PLEKHA8: variants seen among roughly 807,000 people sequenced by gnomAD.
PLEKHA8 encodes the protein pleckstrin homology domain containing A8, also known as pleckstrin homology domain-containing family A member 8.
In PLEKHA8, 36 loss-of-function variants were observed where a neutral mutation model predicts 68.2. The observed-to-expected ratio is 0.53, with a 90% confidence interval of 0.40 to 0.70. The LOEUF is 0.70. Ranked by LOEUF, PLEKHA8 falls within the 30% of genes least tolerant of loss-of-function variation. The probability of loss-of-function intolerance (pLI) is 0.00; values close to 1 mark genes in which losing one functional copy is unlikely to be tolerated. For missense variants in PLEKHA8, 505 were observed against 615.4 expected, an observed-to-expected ratio of 0.82 and a Z score of 1.90; for synonymous variants, 211 against 216.1, an observed-to-expected ratio of 0.98 and a Z score of 0.20.
chr7:30,028,770 G>A lies in PLEKHA8; in HGVS notation c.8G>A (p.Gly3Glu). The change falls in exon 1 of 14, where the codon GGG becomes GAG. Residue 3 changes from glycine to glutamate, a missense_variant. Gly to Glu is a moderately conservative substitution (Grantham distance 98). Coordinates refer to ENST00000449726, the MANE Select transcript of PLEKHA8 (RefSeq NM_001197026.2). ME[G>E]VLYKWTNYLS... ...CGAGTGGCCGCGGGCGCCATGGAGG[G>A]GGTGCTGTACAAGTGGACCAACTAT... 1 of 1,271,136 alleles carries A rather than the reference G, an allele frequency of 7.9e-7. No individual in the cohort carries two copies. The highest frequency in any genetic ancestry group is 1.0e-6 in the Non-Finnish European group (1 of 1,002,470). The allele number at this position is 1,271,136 out of a possible 1,614,324, so 78.7% of individuals were successfully genotyped here.
intron 13 of PLEKHA8, among the ~76,000 whole-genome samples, chr7:30,103,897 A>G (rs1238925961): frequency 6.6e-6 from 1 of 152,222 alleles, no homozygotes; most frequent in Non-Finnish European, 1.5e-5. Flanking sequence ...ACTTCATCAA[A>G]ACTAAAAACT....
At chr7:30,115,871 T>C (rs1024441440) in intron 13 of PLEKHA8, 2 of 144,656 alleles carry the variant, frequency 1.4e-5, no homozygotes, top group Admixed American at 7.1e-5. Flanking sequence ...TGCACATACA[T>C]GTAGGCACGC....
intron 13 of PLEKHA8, among the ~76,000 whole-genome samples, chr7:30,128,461 C>T (rs770315215): frequency 6.6e-6 from 1 of 152,184 alleles, no homozygotes. Flanking sequence ...TTAAGTCACA[C>T]ATTGATTCCT....
In PLEKHA8 at chr7:30,028,779, A is replaced by G. The variant is rs1482448209; in HGVS notation, c.17A>G (p.Tyr6Cys). The G allele has an allele frequency of 2.8e-5, 35 of 1,271,726 alleles. No homozygotes were observed. The highest frequency in any genetic ancestry group is 3.4e-5 in the Non-Finnish European group (34 of 1,002,976). 78.8% of individuals were successfully genotyped at this position (1,271,726 alleles called of 1,614,324 possible). A position where few individuals can be genotyped will look rare whatever the true frequency, so the allele number is the denominator to read the frequency against. ...GCGGGCGCCATGGAGGGGGTGCTGT[A>G]CAAGTGGACCAACTATCTGAGCGGT... MEGVL[Y>C]KWTNYLSGWQ... Residue 6 changes from tyrosine (Y) to cysteine (C), a missense_variant, in exon 1 of 14, where the codon TAC (tyrosine) becomes TGC (cysteine). Transcript: ENST00000449726.
At chr7:30,078,539 G>A in intron 13 of PLEKHA8, 51 bp from the exon 14 acceptor site, 1 of 1,585,722 alleles carries the variant, frequency 6.3e-7, no homozygotes, top group Non-Finnish European at 8.7e-7. Flanking sequence ...ATAAAAATAA[G>A]AGTGTGAGAG....
At chr7:30,117,840 A>C (rs1266265457) in intron 13 of PLEKHA8, 3 of 529,140 alleles carry the variant, frequency 5.7e-6, no homozygotes, top group Non-Finnish European at 9.4e-6. Flanking sequence ...TTATGTTGCC[A>C]ACAAGATATT....
Position 30,081,458 on chromosome 7 carries a change from A to T in PLEKHA8, c.*2671A>T. The T allele has an allele frequency of 2.0e-6, 2 of 984,894 alleles. No individual in the cohort carries two copies. The allele number at this position is 984,894 out of a possible 1,614,324, so 61.0% of individuals were successfully genotyped here. A position where few individuals can be genotyped will look rare whatever the true frequency, so the allele number is the denominator to read the frequency against. ...CAGAGCTTCCTCCTACATCTAAAGT[A>T]TTTGCTCTCTGTTTTAGTTAAAGTC... On this transcript the variant is annotated 3_prime_UTR_variant, in exon 14 of 14. Coordinates refer to ENST00000449726, the MANE Select transcript of PLEKHA8 (RefSeq NM_001197026.2).
chr7:30,105,465 CAG>C (rs1265718398), intron 13 of PLEKHA8, among the ~76,000 whole-genome samples: 1 of 151,958 alleles, frequency 6.6e-6, no homozygotes, highest in African/African-American at 2.4e-5. Context: ...TTCTGGGAGA[CAG>C]AGCGAAATCT....
At position 30,081,013 on chromosome 7, in the gene PLEKHA8, C is replaced by T; in HGVS notation, c.*2226C>T. On this transcript the variant is annotated 3_prime_UTR_variant, in exon 14 of 14. Coordinates refer to ENST00000449726, the MANE Select transcript of PLEKHA8 (RefSeq NM_001197026.2). Reference sequence around the variant, plus strand: ...ACTCTGTGGTCTCTTGGAGAGGTAGCACTCTGAAAATACCTCAGGTTTGCC... The same window carrying T: ...ACTCTGTGGTCTCTTGGAGAGGTAGTACTCTGAAAATACCTCAGGTTTGCC... The T allele has an allele frequency of 1.0e-6, 1 of 985,342 alleles. No homozygotes were observed. The highest frequency in any genetic ancestry group is 1.2e-6 in the Non-Finnish European group (1 of 829,906). 61.0% of individuals were successfully genotyped at this position (985,342 alleles called of 1,614,324 possible).
At chr7:30,040,741 T>A (rs950637323) in intron 1 of PLEKHA8, among the ~76,000 whole-genome samples, 1 of 152,206 alleles carries the variant, frequency 6.6e-6, no homozygotes, top group Non-Finnish European at 1.5e-5. Context: ...GGTATTTAAA[T>A]ACTCTTTTTT....
intron 1 of PLEKHA8, among the ~76,000 whole-genome samples, chr7:30,035,025 G>C (rs150218536): frequency 6.6e-6 from 1 of 151,764 alleles, no homozygotes; most frequent in Admixed American, 6.6e-5. Context: ...TTTTGTGTAC[G>C]ATATGAGGTA....
intron 13 of PLEKHA8, among the ~76,000 whole-genome samples, chr7:30,118,978 C>A (rs750195650): frequency 5.3e-5 from 8 of 152,212 alleles, no homozygotes; most frequent in Admixed American, 1.3e-4. Flanking sequence ...ATCTGATTGG[C>A]CCACTTAAGT....
At chr7:30,099,663 T>C (rs1343650521) in intron 13 of PLEKHA8, among the ~76,000 whole-genome samples, 1 of 152,228 alleles carries the variant, frequency 6.6e-6, no homozygotes, top group Non-Finnish European at 1.5e-5. Flanking sequence ...ACATGTGGAA[T>C]ATACACCAAG....
rs894160722 is a variant in PLEKHA8, at chr7:30,028,918, G to C, written c.40+116G>C. ...GGGTCACGGCCCTTTCCTGAGGCCA[G>C]CGCGGAGCGGGAGTATTTCCCAAAG... On this transcript the variant is annotated intron_variant, in intron 1 of 13. Transcript: ENST00000449726. 495 of 1,114,272 alleles carry C rather than the reference G, an allele frequency of 4.4e-4. 1 individual carries two copies. The highest frequency in any genetic ancestry group is 4.7e-4 in the Non-Finnish European group (411 of 878,138). 69.0% of individuals were successfully genotyped at this position (1,114,272 alleles called of 1,614,324 possible). A position where few individuals can be genotyped will look rare whatever the true frequency, so the allele number is the denominator to read the frequency against.
Position 30,126,710 on chromosome 7 carries a change from T to C in PLEKHA8, c.1363-2556T>C, listed in dbSNP as rs184394011. On this transcript the variant is annotated intron_variant, in intron 13 of 13. Coordinates refer to the PLEKHA8 transcript ENST00000396257. ...CCACATGGCTGGGGAGGCCTCACAA[T>C]CATGGTGGAAGGTGAAAGGCACGTC... 2.8e-4 allele frequency among the ~76,000 whole-genome samples: 43 copies of C among 152,284 alleles called. No homozygotes were observed. In the East Asian group the frequency reaches 7.7e-3, roughly 27 times the overall value.
At chr7:30,038,900 G>T (rs1283554491) in intron 1 of PLEKHA8, among the ~76,000 whole-genome samples, 1 of 150,704 alleles carries the variant, frequency 6.6e-6, no homozygotes, top group Non-Finnish European at 1.5e-5. Flanking sequence ...GGTGGTTGCT[G>T]TTGGGAAATT....
Position 30,079,909 on chromosome 7 carries a change from T to G in PLEKHA8, c.*1122T>G. ...CTAAATGATATGTCCTTTTTTTTTTTTTCAAAGAGGATAAGGCTGCTATTT... is the reference window on the plus strand; with the variant it reads ...CTAAATGATATGTCCTTTTTTTTTTGTTCAAAGAGGATAAGGCTGCTATTT... On this transcript the variant is annotated 3_prime_UTR_variant, in exon 14 of 14. Transcript: ENST00000449726. The G allele has an allele frequency of 2.0e-6, 2 of 984,026 alleles. No individual in the cohort carries two copies. Among genetic ancestry groups the G allele is most frequent in the Non-Finnish European group, 2.4e-6 (2 of 828,714 alleles). 61.0% of individuals were successfully genotyped at this position (984,026 alleles called of 1,614,324 possible).
rs73686288 is a variant in PLEKHA8 at position 30,061,484 on chromosome 7, T to G, written c.1099-413T>G. 5.6e-3 allele frequency among the ~76,000 whole-genome samples: 847 copies of G among 152,312 alleles called. 6 individuals carry two copies. The highest frequency in any genetic ancestry group is 0.019 in the African/African-American group (798 of 41,566). Reference sequence around the variant, plus strand: ...TACAGTGCCCAATAAAAATCTTTTTTGTCATTGGAGACTAGTCTTTGAGGA... The same window carrying G: ...TACAGTGCCCAATAAAAATCTTTTTGGTCATTGGAGACTAGTCTTTGAGGA... On this transcript the variant is annotated intron_variant, in intron 10 of 13. Transcript: ENST00000449726.
At chr7:30,116,278 G>A (rs907816165) in intron 13 of PLEKHA8, among the ~76,000 whole-genome samples, 1 of 150,846 alleles carries the variant, frequency 6.6e-6, no homozygotes, top group African/African-American at 2.4e-5. Flanking sequence ...ATGTATGTAT[G>A]TATACATGTA....
Sources: gnomAD v4.1 joint callset for allele counts (sites outside exome capture counted in the v4.1 genomes callset) on GRCh38, gnomAD v4.1.1 for gene constraint, MANE v1.5 for transcripts, NCBI Gene and HGNC (gene_info 2026-07-23, HGNC 2026-07-21) for gene names.